SPATS2: variants seen among roughly 807,000 people sequenced by gnomAD.
SPATS2 encodes the protein spermatogenesis-associated serine-rich protein 2.
A neutral mutation model predicts 63.7 loss-of-function variants in SPATS2; 38 were observed. The observed-to-expected ratio is 0.60, with a 90% CI of 0.46 to 0.78. The LOEUF (loss-of-function observed/expected upper bound fraction) is 0.78, where lower values mean the gene tolerates loss of function less well. Among genes scored for constraint, SPATS2 ranks in the 30% least tolerant of loss-of-function variants. The pLI is 0.00. For missense variants in SPATS2, 588 were observed against 666.2 expected, an observed-to-expected ratio of 0.88 and a Z score of 1.29; for synonymous variants, 207 against 232.9, an observed-to-expected ratio of 0.89 and a Z score of 1.01.
chr12:49,390,911 AATGAAG>A (rs1944407282), intron 2 of SPATS2, among the ~76,000 whole-genome samples: 1 of 152,228 alleles, frequency 6.6e-6, no homozygotes, highest in Admixed American at 6.5e-5. Flanking sequence ...CGAAGTCAGT[AATGAAG>A]ATGAGATTTG....
At chr12:49,458,605 C>A (rs1945762404) in intron 2 of SPATS2, among the ~76,000 whole-genome samples, 1 of 152,118 alleles carries the variant, frequency 6.6e-6, no homozygotes, top group African/African-American at 2.4e-5. Context: ...CATGGTGAAC[C>A]CCTCTCTCTA....
chr12:49,439,606 T>G (rs1409213471), intron 2 of SPATS2, among the ~76,000 whole-genome samples: 2 of 152,156 alleles, frequency 1.3e-5, no homozygotes, highest in African/African-American at 2.4e-5. Flanking sequence ...GCTTGAGCAG[T>G]TGGGTGAGTG....
intron 10 of SPATS2, among the ~76,000 whole-genome samples, chr12:49,518,530 T>G (rs1317740824): frequency 6.6e-6 from 1 of 152,134 alleles, no homozygotes; most frequent in Non-Finnish European, 1.5e-5. Flanking sequence ...GGGAATAAAT[T>G]TAAAGATATA....
intron 2 of SPATS2, among the ~76,000 whole-genome samples, chr12:49,376,250 C>T (rs12810436): frequency 0.04 from 6,033 of 151,350 alleles, 181 homozygotes; most frequent in Non-Finnish European, 0.062. Flanking sequence ...TACAAGTGCC[C>T]GCCACCACGC....
intron 2 of SPATS2, among the ~76,000 whole-genome samples, chr12:49,450,597 G>A (rs148629613): frequency 2.0e-3 from 305 of 152,128 alleles, no homozygotes; most frequent in African/African-American, 6.7e-3. Flanking sequence ...AGGCTGGAGC[G>A]CAATGGCGTG....
Position 49,493,099 on chromosome 12 carries a change from TAAAAAAA to T in SPATS2, c.265-1630_265-1624del, listed in dbSNP as rs559171414. Among the ~76,000 whole-genome samples, 4 of 126,428 alleles carry T rather than the reference TAAAAAAA, an allele frequency of 3.2e-5. No homozygotes were observed. The South Asian group carries it at 1.0e-3, about 32-fold the overall frequency. 82.9% of individuals were successfully genotyped at this position (126,428 alleles called of 152,430 possible). A position where few individuals can be genotyped will look rare whatever the true frequency, so the allele number is the denominator to read the frequency against. ...GGCAACAAGAGCGAAACTCCGTCTT[TAAAAAAA>T]AAAAAAAAAAAGAAAGAAAGAAAGA... On this transcript the variant is annotated intron_variant, in intron 6 of 13. Transcript: ENST00000552918.
intron 2 of SPATS2, among the ~76,000 whole-genome samples, chr12:49,453,160 CA>C (rs534605136): frequency 2.5e-3 from 225 of 91,758 alleles, no homozygotes; most frequent in Middle Eastern, 6.3e-3. Context: ...GACTCCGTCT[CA>C]AAAAAAAAAA....
intron 2 of SPATS2, among the ~76,000 whole-genome samples, chr12:49,407,224 C>T (rs934313267): frequency 6.6e-6 from 1 of 152,120 alleles, no homozygotes; most frequent in Non-Finnish European, 1.5e-5. Flanking sequence ...TTGCATTAGT[C>T]TTCTGATTGA....
chr12:49,493,086 G>T (rs1184055508), intron 6 of SPATS2, among the ~76,000 whole-genome samples: 1 of 142,142 alleles, frequency 7.0e-6, no homozygotes, highest in Non-Finnish European at 1.5e-5. Flanking sequence ...CAACAAGAGC[G>T]AAACTCCGTC....
At chr12:49,429,838 T>C (rs1206511138) in intron 2 of SPATS2, among the ~76,000 whole-genome samples, 1 of 150,324 alleles carries the variant, frequency 6.7e-6, no homozygotes, top group African/African-American at 2.5e-5. Context: ...TGGAGTTCAG[T>C]GGCATGATCT....
At chr12:49,385,357 A>AGTGTGTGTGTGTGTGTGTGTGTGTGT (rs57896651) in intron 2 of SPATS2, among the ~76,000 whole-genome samples, 11 of 142,090 alleles carry the variant, frequency 7.7e-5, no homozygotes, top group Non-Finnish European at 1.5e-4. Flanking sequence ...TAAGTATATA[A>AGTGTGTGTGTGTGTGTGTGTGTGTGT]GTGTGTGTGT....
chr12:49,405,818 T>C (rs747751439), intron 2 of SPATS2, among the ~76,000 whole-genome samples: 1 of 152,234 alleles, frequency 6.6e-6, no homozygotes, highest in African/African-American at 2.4e-5. Context: ...ACGACTTTCG[T>C]GTATATAATT....
At chr12:49,415,501 A>G (rs1944874447) in intron 2 of SPATS2, among the ~76,000 whole-genome samples, 1 of 152,156 alleles carries the variant, frequency 6.6e-6, no homozygotes, top group African/African-American at 2.4e-5. Context: ...CTCTATCTGT[A>G]CTTTCTTATA....
chr12:49,477,876 A>G (rs1275718994), intron 3 of SPATS2, among the ~76,000 whole-genome samples: 1 of 151,874 alleles, frequency 6.6e-6, no homozygotes, highest in African/African-American at 2.4e-5. Context: ...ATTTCCTCCA[A>G]TAAGTGGTAA....
chr12:49,514,676 A>G, intron 10 of SPATS2, 63 bp downstream of exon 10: 2 of 1,445,940 alleles, frequency 1.4e-6, no homozygotes, highest in Non-Finnish European at 9.5e-7. Flanking sequence ...CTACTTCCCA[A>G]CCCTTATAAC....
At chr12:49,417,016 A>G (rs569985683) in intron 2 of SPATS2, among the ~76,000 whole-genome samples, 1 of 152,302 alleles carries the variant, frequency 6.6e-6, no homozygotes, top group Non-Finnish European at 1.5e-5. Context: ...GAGATGAAAG[A>G]TGGCCTCTCT....
At chr12:49,385,359 T>A (rs1944295673) in intron 2 of SPATS2, among the ~76,000 whole-genome samples, 1 of 137,276 alleles carries the variant, frequency 7.3e-6, no homozygotes, top group Non-Finnish European at 1.6e-5. Context: ...AGTATATAAG[T>A]GTGTGTGTGT....
intron 2 of SPATS2, among the ~76,000 whole-genome samples, chr12:49,386,308 C>T (rs1395679595): frequency 2.0e-5 from 3 of 151,868 alleles, no homozygotes; most frequent in Non-Finnish European, 4.4e-5. Context: ...GGATTACAGG[C>T]GTGCGCCACC....
chr12:49,394,874 C>A (rs1191552219), intron 2 of SPATS2, among the ~76,000 whole-genome samples: 1 of 151,828 alleles, frequency 6.6e-6, no homozygotes, highest in Admixed American at 6.6e-5. Context: ...GAGTTCGAAA[C>A]CAGCCTGGCC....
Sources: allele counts gnomAD v4.1 joint callset (sites outside exome capture counted in the v4.1 genomes callset), GRCh38; gene constraint gnomAD v4.1.1; transcripts MANE v1.5; gene names NCBI Gene and HGNC (gene_info 2026-07-23, HGNC 2026-07-21).